The following COL27A1 variants were observed in gnomAD, a reference collection of about 807,000 sequenced individuals.
The protein encoded by COL27A1 is collagen type XXVII alpha 1 chain.
A neutral mutation model predicts 251.3 loss-of-function variants in COL27A1; 106 were observed. That is an observed-to-expected ratio of 0.42 (90% CI 0.36 to 0.50). The LOEUF is 0.50. Ranked by LOEUF, COL27A1 falls within the 20% of genes least tolerant of loss-of-function variation. The probability of loss-of-function intolerance (pLI) is 0.00; values close to 1 mark genes in which losing one functional copy is unlikely to be tolerated. For missense variants in COL27A1, 2,325 were observed against 2,522.8 expected (o/e 0.92, Z 1.68); for synonymous variants, 1,000 against 986.3 (o/e 1.01, Z -0.26).
At chr9:114,209,631 C>T (rs758767719) in intron 10 of COL27A1, 44 bp from the exon 11 acceptor site, 1 of 1,599,070 alleles carries the variant, frequency 6.3e-7, no homozygotes, top group Admixed American at 1.7e-5. Context: ...GCCAGCCACA[C>T]CTCACTGCTT....
At position 114,204,066 on chromosome 9, in the gene COL27A1, G is replaced by A. The variant is rs191933775; in HGVS notation, c.2125-1036G>A. On this transcript the variant is annotated intron_variant, in intron 7 of 60. Coordinates refer to ENST00000356083, the MANE Select transcript of COL27A1 (RefSeq NM_032888.4). ...TCTACAGGTTTGAGCGTGCATGTGCGCGTGTGTGTATTCTGGTCTTGTGTG... is the reference window on the plus strand; with the variant it reads ...TCTACAGGTTTGAGCGTGCATGTGCACGTGTGTGTATTCTGGTCTTGTGTG... Among the ~76,000 whole-genome samples, 28 of 152,224 alleles carry A rather than the reference G, an allele frequency of 1.8e-4. 1 individual carries two copies. The highest frequency in any genetic ancestry group is 1.2e-3 in the Admixed American group (19 of 15,294).
At chr9:114,222,186 G>A in intron 13 of COL27A1, 37 bp from the exon 14 acceptor site, 2 of 1,605,400 alleles carry the variant, frequency 1.2e-6, no homozygotes, top group East Asian at 2.2e-5. Context: ...GGAGGGAGAT[G>A]GGACAAGTAA....
chr9:114,302,225 G>GC, intron 56 of COL27A1, 117 bp downstream of exon 56: 1 of 815,292 alleles, frequency 1.2e-6, no homozygotes, highest in Non-Finnish European at 2.1e-6. Context: ...GTCTAGGGAC[G>GC]CCCATGTCCT....
chr9:114,214,944 G>A lies in COL27A1; in HGVS notation c.2367+3918G>A, dbSNP rs142734661. Among the ~76,000 whole-genome samples, 136 of 152,346 alleles carry A rather than the reference G, an allele frequency of 8.9e-4. 1 individual carries two copies. The highest frequency in any genetic ancestry group is 3.2e-3 in the African/African-American group (132 of 41,582). ...ATGTTTCCCAGCCAAGGGTCTCTAC[G>A]AGCAGGCTAGGAAGATGCTGCAGTG... On this transcript the variant is annotated intron_variant, in intron 12 of 60. Coordinates refer to ENST00000356083, the MANE Select transcript of COL27A1 (RefSeq NM_032888.4).
intron 12 of COL27A1, among the ~76,000 whole-genome samples, chr9:114,213,370 T>C (rs59359176): frequency 0.013 from 2,022 of 152,294 alleles, 48 homozygotes; most frequent in African/African-American, 0.045. Context: ...TGTGTTCTTC[T>C]TGGAGCACAA....
upstream of COL27A1, among the ~76,000 whole-genome samples, chr9:114,154,131 GC>G (rs1847983932): frequency 2.6e-5 from 4 of 152,064 alleles, no homozygotes; most frequent in South Asian, 8.3e-4. The surrounding 1 kb of genome is among the most constrained non-coding windows in gnomAD (Gnocchi z 5.8). Context: ...CTCGGAGCCC[GC>G]GCCGGAGCCC....
At chr9:114,266,697 C>A in intron 33 of COL27A1, 79 bp downstream of exon 33, 1 of 1,283,992 alleles carries the variant, frequency 7.8e-7, no homozygotes. Flanking sequence ...TCCCCAGGAG[C>A]CTCTTTCTGC....
At chr9:114,173,987 T>C (rs1217276945) in intron 3 of COL27A1, among the ~76,000 whole-genome samples, 1 of 151,080 alleles carries the variant, frequency 6.6e-6, no homozygotes, top group Non-Finnish European at 1.5e-5. Context: ...CCCCCATTTT[T>C]TTTTTTTTGA....
chr9:114,274,038 T>G lies in COL27A1; in HGVS notation c.3610-1623T>G, dbSNP rs2135655104. ...GAGTGGATCATCTGAGGTCAGGAGT[T>G]CGAGACCAGCCTAGCCAACATGGTG... On this transcript the variant is annotated intron_variant, in intron 36 of 60. Coordinates refer to ENST00000356083, the MANE Select transcript of COL27A1 (RefSeq NM_032888.4). 2.0e-5 allele frequency: 3 copies of G among 152,106 alleles called. No homozygotes were observed. In the Middle Eastern group the frequency reaches 0.01, roughly 517 times the overall value. The allele number at this position is 152,106 out of a possible 1,614,324, so 9.4% of individuals were successfully genotyped here. A position where few individuals can be genotyped will look rare whatever the true frequency, so the allele number is the denominator to read the frequency against.
chr9:114,246,634 G>A (rs1459861048), intron 24 of COL27A1, among the ~76,000 whole-genome samples: 2 of 152,198 alleles, frequency 1.3e-5, no homozygotes, highest in Non-Finnish European at 1.5e-5. Context: ...CGGAAGGACT[G>A]ATGCTGGGGA....
intron 14 of COL27A1, among the ~76,000 whole-genome samples, chr9:114,224,985 T>G (rs1376916837): frequency 1.3e-5 from 2 of 152,186 alleles, no homozygotes; most frequent in African/African-American, 4.8e-5. Flanking sequence ...ACTCCACTGT[T>G]AAGGTTGCCA....
Position 114,275,740 on chromosome 9 carries a change from C to G in COL27A1, c.3689C>G (p.Pro1230Arg). The change falls in exon 37 of 61, where the codon CCC (proline) becomes CGC (arginine). Residue 1230 changes from proline (P) to arginine (R), a missense_variant. Coordinates refer to ENST00000356083, the MANE Select transcript of COL27A1 (RefSeq NM_032888.4). ...QEGLMGEDGP[P>R]GPPGVTGVRG... ...GGGCTGATGGGTGAGGACGGGCCCC[C>G]CGGCCCCCCTGGCGTCACTGGTGTC... The G allele has an allele frequency of 6.5e-7, 1 of 1,549,170 alleles. No individual in the cohort carries two copies. The highest frequency in any genetic ancestry group is 8.7e-7 in the Non-Finnish European group (1 of 1,146,618).
chr9:114,178,510 G>T (rs936267674), intron 4 of COL27A1, among the ~76,000 whole-genome samples, 166 bp downstream of exon 4: 1 of 152,136 alleles, frequency 6.6e-6, no homozygotes, highest in Non-Finnish European at 1.5e-5. Context: ...GCTCTCAAGG[G>T]TGCTATATGG....
intron 60 of COL27A1, 125 bp downstream of exon 60, chr9:114,309,603 T>C (rs1204954148): frequency 2.2e-5 from 16 of 713,094 alleles, no homozygotes; most frequent in Middle Eastern, 4.1e-4. Flanking sequence ...ATTAATGTGA[T>C]AGATATGATT....
intron 7 of COL27A1, among the ~76,000 whole-genome samples, chr9:114,204,059 C>T (rs567565746): frequency 6.6e-6 from 1 of 152,126 alleles, no homozygotes; most frequent in Admixed American, 6.5e-5. Flanking sequence ...TTTGAGCGTG[C>T]ATGTGCGCGT....
At chr9:114,238,315 C>T (rs184130256) in intron 19 of COL27A1, among the ~76,000 whole-genome samples, 19 of 152,294 alleles carry the variant, frequency 1.2e-4, no homozygotes, top group Admixed American at 8.5e-4. Context: ...TGTAATGTTG[C>T]GAAGCAAGCT....
intron 3 of COL27A1, among the ~76,000 whole-genome samples, chr9:114,172,628 TA>T (rs1393563891): frequency 6.6e-6 from 1 of 152,154 alleles, no homozygotes; most frequent in East Asian, 1.9e-4. Context: ...ACCCTGTCTT[TA>T]CCAAAAATAC....
chr9:114,310,498 A>T (rs773372831), intron 60 of COL27A1, 51 bp from the exon 61 acceptor site: 2 of 1,602,578 alleles, frequency 1.2e-6, no homozygotes, highest in Non-Finnish European at 1.7e-6. Context: ...CTCATGATGT[A>T]TGATAAGAAT....
intron 2 of COL27A1, among the ~76,000 whole-genome samples, chr9:114,165,105 T>C (rs184613242): frequency 1.3e-5 from 2 of 152,334 alleles, no homozygotes; most frequent in Admixed American, 1.3e-4. Flanking sequence ...TTCATCCTCC[T>C]AACAACCCTA....
Sources: allele counts gnomAD v4.1 joint callset (sites outside exome capture counted in the v4.1 genomes callset), GRCh38; gene constraint gnomAD v4.1.1; non-coding constraint Gnocchi (gnomAD v3.1); transcripts MANE v1.5; gene names NCBI Gene and HGNC (gene_info 2026-07-23, HGNC 2026-07-21).